TINAG: variants seen among roughly 807,000 people sequenced by gnomAD.
TINAG encodes tubulointerstitial nephritis antigen.
In TINAG, 83 loss-of-function variants were observed where a neutral mutation model predicts 72.7. The observed-to-expected ratio is 1.14, with a 90% CI of 0.96 to 1.37. The LOEUF (loss-of-function observed/expected upper bound fraction) is 1.37, where lower values mean the gene tolerates loss of function less well. TINAG is among the 40% of genes most tolerant of loss of function. TINAG has a pLI of 0.00. For synonymous variants in TINAG, 234 were observed against 189.9 expected, an observed-to-expected ratio of 1.23 and a Z score of -1.91; for missense variants, 685 against 576.6, an observed-to-expected ratio of 1.19 and a Z score of -1.93.
chr6:54,345,115 C>T (rs899743741), intron 5 of TINAG, among the ~76,000 whole-genome samples: 2 of 151,820 alleles, frequency 1.3e-5, no homozygotes, highest in African/African-American at 2.4e-5. Context: ...CATTTGAAGA[C>T]GGAATAAAAT....
At chr6:54,365,896 G>GGT (rs1763396850) in intron 9 of TINAG, among the ~76,000 whole-genome samples, 1 of 151,506 alleles carries the variant, frequency 6.6e-6, no homozygotes, top group South Asian at 2.1e-4. Context: ...CAGGTGCAAT[G>GGT]GTGTGTGTCT....
At chr6:54,385,906 A>C (rs1486920245) in intron 10 of TINAG, among the ~76,000 whole-genome samples, 2 of 61,218 alleles carry the variant, frequency 3.3e-5, no homozygotes, top group Non-Finnish European at 5.1e-5. Context: ...TTTTTTTTTC[A>C]GACGGAGTCT....
At chr6:54,346,882 A>G (rs993424101) in intron 5 of TINAG, among the ~76,000 whole-genome samples, 2 of 152,134 alleles carry the variant, frequency 1.3e-5, no homozygotes, top group Non-Finnish European at 2.9e-5. Flanking sequence ...TTACTCCAAT[A>G]TATCAGATGA....
At chr6:54,320,507 G>T (rs1452561241) in intron 1 of TINAG, 72 bp from the exon 2 acceptor site, 5 of 1,235,480 alleles carry the variant, frequency 4.0e-6, no homozygotes, top group South Asian at 3.1e-5. Context: ...TATGATTTTT[G>T]ATTACATTTT....
rs3736351 is a variant in TINAG, at chr6:54,389,862, G to A, written c.1368G>A (p.Glu456=). 2.9e-4 allele frequency: 474 copies of A among 1,610,826 alleles called. No homozygotes were observed. The highest frequency in any genetic ancestry group is 2.1e-4 in the Non-Finnish European group (245 of 1,178,658). Residue 456 remains glutamate (E), a synonymous_variant, in exon 11 of 11, where the codon GAG becomes GAA. Coordinates refer to ENST00000259782, the MANE Select transcript of TINAG (RefSeq NM_014464.4). The stretch of plus-strand genomic sequence containing the variant: ...TCAGGATTCTTCGAGGAGTAAATGA[G>A]TCCGACATTGAAAAGTTGATTATCG... ...GYFRILRGVN[E]SDIEKLIIAA... is the part of the protein sequence containing the mutation.
intron 9 of TINAG, among the ~76,000 whole-genome samples, chr6:54,370,230 C>T (rs1259589311): frequency 6.6e-6 from 1 of 151,966 alleles, no homozygotes; most frequent in Non-Finnish European, 1.5e-5. Flanking sequence ...TTATTTTATG[C>T]CCACCTTAAG....
intron 4 of TINAG, among the ~76,000 whole-genome samples, chr6:54,336,777 A>G (rs1784873830): frequency 6.6e-6 from 1 of 152,140 alleles, no homozygotes; most frequent in South Asian, 2.1e-4. Context: ...GGAAACAATT[A>G]AAATATTAAG....
At chr6:54,382,058 A>G (rs1422449857) in intron 10 of TINAG, among the ~76,000 whole-genome samples, 1 of 152,102 alleles carries the variant, frequency 6.6e-6, no homozygotes, top group Non-Finnish European at 1.5e-5. Flanking sequence ...TCATTTTCAT[A>G]TATTTAACAC....
intron 3 of TINAG, among the ~76,000 whole-genome samples, chr6:54,325,266 T>C (rs1784578034): frequency 1.3e-5 from 2 of 152,256 alleles, no homozygotes; most frequent in African/African-American, 4.8e-5. Flanking sequence ...ATCTTTGCAG[T>C]GTTTCTTAAG....
chr6:54,311,399 C>T (rs994126346), intron 1 of TINAG, among the ~76,000 whole-genome samples: 12 of 152,158 alleles, frequency 7.9e-5, no homozygotes, highest in Non-Finnish European at 1.6e-4. Flanking sequence ...TACTGACTTG[C>T]ATGATATGGC....
chr6:54,357,009 C>T (rs1763064769), intron 9 of TINAG, among the ~76,000 whole-genome samples: 1 of 151,756 alleles, frequency 6.6e-6, no homozygotes, highest in South Asian at 2.1e-4. Context: ...GCAAGATTTG[C>T]CTGGAATCAC....
At chr6:54,307,872 C>G (rs1784149681), upstream of TINAG, 1 of 607,672 alleles carries the variant, frequency 1.6e-6, no homozygotes, top group African/African-American at 1.9e-5. Context: ...AGTGTTTGTG[C>G]TAAGCAGGGA....
intron 1 of TINAG, among the ~76,000 whole-genome samples, chr6:54,313,811 C>A (rs983550686): frequency 6.6e-6 from 1 of 151,926 alleles, no homozygotes; most frequent in Admixed American, 6.6e-5. Flanking sequence ...CATACTTTTT[C>A]ATACATAGTT....
intron 4 of TINAG, among the ~76,000 whole-genome samples, chr6:54,342,062 G>GGTGTGTGTGTGT (rs142069767): frequency 5.4e-5 from 8 of 147,678 alleles, no homozygotes; most frequent in South Asian, 2.1e-4. Context: ...AAATGATTGG[G>GGTGTGTGTGTGT]GTGTGTGTGT....
intron 6 of TINAG, among the ~76,000 whole-genome samples, chr6:54,348,739 CATATGAATTTTA>C (rs1372351003): frequency 1.3e-5 from 2 of 152,228 alleles, no homozygotes; most frequent in East Asian, 3.9e-4. Flanking sequence ...AGTGCTTCAA[CATATGAATTTTA>C]AAGTGACACC....
intron 4 of TINAG, among the ~76,000 whole-genome samples, chr6:54,335,640 A>ATAGC (rs1439555278): frequency 6.6e-6 from 1 of 152,226 alleles, no homozygotes; most frequent in Non-Finnish European, 1.5e-5. Context: ...TTGGAAAGCT[A>ATAGC]TAGCTACCAG....
intron 4 of TINAG, among the ~76,000 whole-genome samples, chr6:54,337,520 C>G (rs1244280216): frequency 1.3e-5 from 2 of 152,024 alleles, no homozygotes; most frequent in Non-Finnish European, 2.9e-5. Flanking sequence ...TCCCAAAATG[C>G]TGGGATTACA....
In TINAG at chr6:54,347,357, T is replaced by C. The variant is rs1456519723; in HGVS notation, c.749-10T>C. On this transcript the variant is annotated splice_polypyrimidine_tract_variant and intron_variant, in intron 5 of 10. Coordinates refer to ENST00000259782, the MANE Select transcript of TINAG (RefSeq NM_014464.4). ...CATTTCAATATTAATTGATATTCTA[T>C]TTGAAACAGGTGTGGCTGCTGACCG... The C allele has an allele frequency of 2.7e-5, 44 of 1,611,534 alleles. No individual in the cohort carries two copies. Among genetic ancestry groups the C allele is most frequent in the Non-Finnish European group, 3.6e-5 (42 of 1,178,798 alleles).
chr6:54,341,964 G>T (rs1191621777), intron 4 of TINAG, among the ~76,000 whole-genome samples: 2 of 152,064 alleles, frequency 1.3e-5, no homozygotes, highest in Admixed American at 1.3e-4. Flanking sequence ...TTGTCCCTGA[G>T]TATATCACAT....
Sources: gnomAD v4.1 joint callset for allele counts (sites outside exome capture counted in the v4.1 genomes callset) on GRCh38, gnomAD v4.1.1 for gene constraint, MANE v1.5 for transcripts, NCBI Gene and HGNC (gene_info 2026-07-23, HGNC 2026-07-21) for gene names.